TMEM232: variants seen among roughly 807,000 people sequenced by gnomAD.
TMEM232 encodes the protein transmembrane protein 232.
TMEM232 carries 80 observed loss-of-function variants against 78.8 expected under a neutral mutation model. The ratio of observed to expected loss-of-function variants is 1.01; its 90% CI spans 0.85 to 1.22. The LOEUF (loss-of-function observed/expected upper bound fraction) is 1.22, where lower values mean the gene tolerates loss of function less well. Among genes scored for constraint, TMEM232 ranks in the 50% most tolerant of loss-of-function variants. The pLI, the probability that TMEM232 is intolerant of heterozygous loss-of-function variation, is 0.00. For synonymous variants in TMEM232, 297 were observed against 254.3 expected, an observed-to-expected ratio of 1.17 and a Z score of -1.60; for missense variants, 881 against 742.2, an observed-to-expected ratio of 1.19 and a Z score of -2.17.
At chr5:110,458,276 TTTTG>T (rs1380102052) in intron 12 of TMEM232, among the ~76,000 whole-genome samples, 3 of 152,076 alleles carry the variant, frequency 2.0e-5, no homozygotes, top group Non-Finnish European at 4.4e-5. Context: ...GTCATCTTTT[TTTTG>T]TTTTTTTTTC....
chr5:110,508,918 GTA>G (rs542326301), intron 12 of TMEM232, among the ~76,000 whole-genome samples: 34 of 130,028 alleles, frequency 2.6e-4, no homozygotes, highest in Non-Finnish European at 4.7e-4. Flanking sequence ...TTATATATAT[GTA>G]TATATATAAT....
At chr5:110,531,601 G>T (rs1771492623) in intron 11 of TMEM232, among the ~76,000 whole-genome samples, 1 of 151,890 alleles carries the variant, frequency 6.6e-6, no homozygotes, top group South Asian at 2.1e-4. Flanking sequence ...TCATTTTCTG[G>T]CAGAGACAAA....
At chr5:110,589,531 G>C (rs1310805914) in intron 10 of TMEM232, among the ~76,000 whole-genome samples, 1 of 152,088 alleles carries the variant, frequency 6.6e-6, no homozygotes, top group Non-Finnish European at 1.5e-5. Flanking sequence ...TTCAGTATAG[G>C]GAGGCAGTTA....
At chr5:110,595,468 A>G (rs1380719236) in intron 10 of TMEM232, among the ~76,000 whole-genome samples, 1 of 152,320 alleles carries the variant, frequency 6.6e-6, no homozygotes, top group African/African-American at 2.4e-5. Flanking sequence ...GGGTAGTAAC[A>G]AACTCCTCTG....
At chr5:110,655,102 T>C (rs1377121172) in intron 2 of TMEM232, among the ~76,000 whole-genome samples, 6 of 151,894 alleles carry the variant, frequency 4.0e-5, no homozygotes, top group Admixed American at 3.9e-4. Context: ...GAAACTACCA[T>C]CAGAGTGAAC....
chr5:110,711,142 C>T (rs1796431706), intron 1 of TMEM232, among the ~76,000 whole-genome samples: 1 of 152,064 alleles, frequency 6.6e-6, no homozygotes, highest in African/African-American at 2.4e-5. Context: ...AAAGAGAAAT[C>T]ATGAAGCAAT....
At chr5:110,621,996 C>A (rs908579207) in intron 7 of TMEM232, among the ~76,000 whole-genome samples, 3 of 152,136 alleles carry the variant, frequency 2.0e-5, no homozygotes, top group African/African-American at 7.2e-5. Flanking sequence ...AGCTTTGAAG[C>A]ATGGGCTCTA....
downstream of TMEM232, among the ~76,000 whole-genome samples, chr5:110,416,555 A>G (rs1332023230): frequency 5.9e-5 from 9 of 152,212 alleles, no homozygotes. Context: ...GCAACCCCAA[A>G]GCAATTTCCA....
At position 110,625,418 on chromosome 5, in the gene TMEM232, C is replaced by A; in HGVS notation, c.617G>T (p.Gly206Val). The A allele has an allele frequency of 1.3e-6, 2 of 1,522,322 alleles. No individual in the cohort carries two copies. The highest frequency in any genetic ancestry group is 1.3e-5 in the South Asian group (1 of 78,484). The allele number at this position is 1,522,322 out of a possible 1,614,324, so 94.3% of individuals were successfully genotyped here. ...GTTTGGATACTTGTGATATGATGCT[C>A]CAGAGAAAGAAAGTGCTATTGTAAG... ...QPYLYALSFS[G>V]ASYHKYPNIF... is the part of the protein sequence containing the mutation. Residue 206 changes from glycine (G) to valine (V), a missense_variant, in exon 7 of 14, where the codon GGA becomes GTA. Physicochemically the swap from Gly to Val is moderately radical, Grantham distance 109 (BLOSUM62 -3). Coordinates refer to ENST00000455884, the MANE Select transcript of TMEM232 (RefSeq NM_001039763.4).
chr5:110,418,038 A>ATAC (rs1278649954), downstream of TMEM232: 1 of 152,192 alleles, frequency 6.6e-6, no homozygotes. Flanking sequence ...GGCTGTGTGA[A>ATAC]GTGCCTTCTA....
At chr5:110,561,533 TAAAAG>T (rs1429834849) in intron 11 of TMEM232, among the ~76,000 whole-genome samples, 1 of 152,044 alleles carries the variant, frequency 6.6e-6, no homozygotes, top group East Asian at 1.9e-4. Context: ...ACATGATACA[TAAAAG>T]AAAGAAACAA....
chr5:110,522,599 T>G lies in TMEM232; in HGVS notation c.1703+5989A>C, dbSNP rs75051431. On this transcript the variant is annotated intron_variant, in intron 12 of 13. Coordinates refer to ENST00000455884, the MANE Select transcript of TMEM232 (RefSeq NM_001039763.4). ...AGGTATATTCCTTTTATTTCTAAAT[T>G]TGGTGACAGTTTTTATCATAAAATG... is the stretch of plus-strand genomic sequence containing the variant. 1.1e-4 allele frequency among the ~76,000 whole-genome samples: 16 copies of G among 152,276 alleles called. No homozygotes were observed. The East Asian group carries it at 3.1e-3, about 29-fold the overall frequency.
intron 11 of TMEM232, among the ~76,000 whole-genome samples, chr5:110,536,007 C>G (rs1347251388): frequency 6.6e-6 from 1 of 152,178 alleles, no homozygotes. Flanking sequence ...TTCCTGCAAC[C>G]GATCAGACTG....
At chr5:110,467,064 T>A (rs566302121) in intron 12 of TMEM232, among the ~76,000 whole-genome samples, 62 of 152,172 alleles carry the variant, frequency 4.1e-4, no homozygotes, top group Non-Finnish European at 7.9e-4. Flanking sequence ...ATATATATAT[T>A]ATGGTTATAA....
At chr5:110,706,160 T>C (rs1392876329) in intron 1 of TMEM232, among the ~76,000 whole-genome samples, 2 of 152,072 alleles carry the variant, frequency 1.3e-5, no homozygotes, top group Admixed American at 6.6e-5. Flanking sequence ...CAGCAAAAGA[T>C]TGTCCAAACC....
At chr5:110,477,715 AT>A (rs1048479591) in intron 12 of TMEM232, among the ~76,000 whole-genome samples, 1 of 151,870 alleles carries the variant, frequency 6.6e-6, no homozygotes, top group African/African-American at 2.4e-5. Context: ...AAAATTCATA[AT>A]GATGATAAAC....
In TMEM232 at chr5:110,568,637, GAA is replaced by G. The variant is rs1227448626; in HGVS notation, c.1277-14_1277-13del. ...GACTACTTGATCACCTGTTTAAAAA[GAA>G]AAAGTCTTTGGGAATTATCATTTTA... On this transcript the variant is annotated splice_polypyrimidine_tract_variant and intron_variant, in intron 10 of 13. Coordinates refer to ENST00000455884, the MANE Select transcript of TMEM232 (RefSeq NM_001039763.4). 2.0e-6 allele frequency: 3 copies of G among 1,520,710 alleles called. No homozygotes were observed. The highest frequency in any genetic ancestry group is 2.6e-6 in the Non-Finnish European group (3 of 1,138,556). The allele number at this position is 1,520,710 out of a possible 1,614,324, so 94.2% of individuals were successfully genotyped here. A position where few individuals can be genotyped will look rare whatever the true frequency, so the allele number is the denominator to read the frequency against.
At chr5:110,406,394 G>A (rs759520940) in intron 2 of TMEM232, among the ~76,000 whole-genome samples, 7 of 151,642 alleles carry the variant, frequency 4.6e-5, no homozygotes, top group African/African-American at 9.7e-5. Context: ...TGTGAATAGT[G>A]CTGCAATAAA....
chr5:110,421,592 C>G (rs1756654928), intron 13 of TMEM232, among the ~76,000 whole-genome samples: 1 of 152,102 alleles, frequency 6.6e-6, no homozygotes, highest in Admixed American at 6.6e-5. Context: ...GTCTTTTTGT[C>G]AGCCTCAGCT....
Sources: gnomAD v4.1 joint callset for allele counts (sites outside exome capture counted in the v4.1 genomes callset) on GRCh38, gnomAD v4.1.1 for gene constraint, MANE v1.5 for transcripts, NCBI Gene and HGNC (gene_info 2026-07-23, HGNC 2026-07-21) for gene names.